PMFBP1: variants seen among roughly 807,000 people sequenced by gnomAD.
PMFBP1 encodes polyamine-modulated factor 1-binding protein 1.
Under a neutral mutation model 137.8 loss-of-function variants are expected in PMFBP1, and 131 were observed. That is an observed-to-expected ratio of 0.95 (90% CI 0.82 to 1.10). The LOEUF (loss-of-function observed/expected upper bound fraction) is 1.10. Ranked by LOEUF, PMFBP1 falls within the 50% of genes least tolerant of loss-of-function variation. The pLI is 0.00. For missense variants in PMFBP1, 1,199 were observed against 1,175.4 expected (o/e 1.02, Z -0.29); for synonymous variants, 490 against 450.4 (o/e 1.09, Z -1.11).
At chr16:72,147,043 C>CA (rs1289739466) in intron 5 of PMFBP1, among the ~76,000 whole-genome samples, 1 of 152,062 alleles carries the variant, frequency 6.6e-6, no homozygotes, top group African/African-American at 2.4e-5. Flanking sequence ...TATATGGAAC[C>CA]AAAAAAGAGC....
chr16:72,154,946 G>T (rs1013304693), intron 3 of PMFBP1, among the ~76,000 whole-genome samples: 1 of 152,176 alleles, frequency 6.6e-6, no homozygotes, highest in East Asian at 1.9e-4. Flanking sequence ...CAGAGATATT[G>T]TTCAGGTACA....
chr16:72,156,944 T>G (rs990899146), intron 3 of PMFBP1, among the ~76,000 whole-genome samples: 6 of 151,568 alleles, frequency 4.0e-5, no homozygotes, highest in African/African-American at 1.5e-4. Context: ...TCCCAGCACT[T>G]TGGGAGGCTG....
the PMFBP1 span, among the ~76,000 whole-genome samples, chr16:72,184,904 A>G: frequency 6.6e-6 from 1 of 152,192 alleles, no homozygotes; most frequent in East Asian, 1.9e-4. Flanking sequence ...CCACTCCTCC[A>G]ACAACTAGAG....
the PMFBP1 span, among the ~76,000 whole-genome samples, chr16:72,222,320 T>A: frequency 6.6e-6 from 1 of 152,218 alleles, no homozygotes; most frequent in Non-Finnish European, 1.5e-5. Flanking sequence ...CAGCTTCTTT[T>A]CATTCCAAAG....
chr16:72,119,377 A>C, intron 20 of PMFBP1, 23 bp from the exon 21 acceptor site: 1 of 1,614,012 alleles, frequency 6.2e-7, no homozygotes, highest in Non-Finnish European at 8.5e-7. Flanking sequence ...GGAGGAAATG[A>C]GAGTTTTGAT....
the PMFBP1 span, among the ~76,000 whole-genome samples, chr16:72,227,130 T>C: frequency 6.7e-6 from 1 of 148,736 alleles, no homozygotes; most frequent in Non-Finnish European, 1.5e-5. Flanking sequence ...TTTTAGGAAT[T>C]GTAAAGACTA....
intron 5 of PMFBP1, among the ~76,000 whole-genome samples, 169 bp from the exon 6 acceptor site, chr16:72,140,751 T>A (rs990718890): frequency 1.6e-4 from 25 of 152,150 alleles, no homozygotes; most frequent in African/African-American, 4.8e-4. Context: ...CATATACATG[T>A]TAAAAAGTCC....
At chr16:72,170,944 C>G (rs2043212137) in intron 2 of PMFBP1, among the ~76,000 whole-genome samples, 3 of 152,066 alleles carry the variant, frequency 2.0e-5, no homozygotes, top group Admixed American at 2.0e-4. Context: ...AGTAGGTGAT[C>G]ACAATTCATA....
the PMFBP1 span, among the ~76,000 whole-genome samples, chr16:72,234,951 T>C: frequency 2.0e-5 from 3 of 152,214 alleles, no homozygotes; most frequent in Non-Finnish European, 2.9e-5. Flanking sequence ...AAGTTATTTA[T>C]CAGATAGATT....
the PMFBP1 span, among the ~76,000 whole-genome samples, chr16:72,218,049 T>C: frequency 2.0e-5 from 3 of 152,178 alleles, no homozygotes; most frequent in African/African-American, 7.2e-5. Context: ...AAGTGGCTGT[T>C]TGAACAAGAT....
chr16:72,130,103 C>A (rs1035595608), intron 12 of PMFBP1, 110 bp downstream of exon 12: 2 of 1,448,336 alleles, frequency 1.4e-6, no homozygotes, highest in Admixed American at 1.8e-5. Context: ...GATCTGCCTG[C>A]CTTGGCCTCG....
the PMFBP1 span, among the ~76,000 whole-genome samples, chr16:72,194,065 A>C: frequency 1.3e-5 from 2 of 151,982 alleles, no homozygotes; most frequent in African/African-American, 4.8e-5. Context: ...GCCTTTGAAA[A>C]TAATGGTCAG....
the PMFBP1 span, among the ~76,000 whole-genome samples, chr16:72,183,396 C>G: frequency 6.6e-6 from 1 of 152,266 alleles, no homozygotes; most frequent in African/African-American, 2.4e-5. Context: ...AGAATTGGTT[C>G]CATGTCTCTC....
the PMFBP1 span, among the ~76,000 whole-genome samples, chr16:72,188,740 G>A: frequency 2.0e-5 from 3 of 152,128 alleles, no homozygotes; most frequent in Non-Finnish European, 2.9e-5. Flanking sequence ...AATGGAAAGC[G>A]CTGGTGCCTA....
At chr16:72,228,244 A>G in the PMFBP1 span, among the ~76,000 whole-genome samples, 1 of 152,124 alleles carries the variant, frequency 6.6e-6, no homozygotes, top group Non-Finnish European at 1.5e-5. Context: ...GGCTACTCTG[A>G]ACACACTGGG....
At chr16:72,212,481 T>C in the PMFBP1 span, among the ~76,000 whole-genome samples, 11 of 139,786 alleles carry the variant, frequency 7.9e-5, 1 homozygote, top group East Asian at 2.0e-4. Flanking sequence ...CGGGTTGTAT[T>C]GGAAAAAAAA....
the PMFBP1 span, among the ~76,000 whole-genome samples, chr16:72,210,973 G>A: frequency 9.8e-3 from 1,500 of 152,294 alleles, 24 homozygotes; most frequent in African/African-American, 0.035. Flanking sequence ...CCCCTGCCAA[G>A]TGGATTCTTT....
At chr16:72,119,390 G>C (rs775904301) in intron 20 of PMFBP1, 36 bp from the exon 21 acceptor site, 21 of 1,613,956 alleles carry the variant, frequency 1.3e-5, no homozygotes, top group Middle Eastern at 1.6e-4. Flanking sequence ...GTTTTGATTC[G>C]AGGAGAAATT....
At chr16:72,203,206 T>C in the PMFBP1 span, among the ~76,000 whole-genome samples, 1 of 152,380 alleles carries the variant, frequency 6.6e-6, no homozygotes, top group South Asian at 2.1e-4. Context: ...CTTTTCTTTC[T>C]TGTTAGTGCA....
Sources: gnomAD v4.1 joint callset for allele counts (sites outside exome capture counted in the v4.1 genomes callset) on GRCh38, gnomAD v4.1.1 for gene constraint, MANE v1.5 for transcripts, NCBI Gene and HGNC (gene_info 2026-07-23, HGNC 2026-07-21) for gene names.